The following DLG2 variants were observed in gnomAD, a reference collection of about 807,000 sequenced individuals.
The protein encoded by DLG2 is disks large homolog 2.
In DLG2, 45 loss-of-function variants were observed where a neutral mutation model predicts 132.5. The observed-to-expected ratio is 0.34, with a 90% CI of 0.27 to 0.44. The LOEUF (loss-of-function observed/expected upper bound fraction) is 0.44. DLG2 is among the 20% of genes least tolerant of loss of function. The pLI is 1.00. For synonymous variants in DLG2, 424 were observed against 419.6 expected (o/e 1.01, Z -0.13); for missense variants, 1,045 against 1,196.9 (o/e 0.87, Z 1.87).
At chr11:83,547,332 T>C (rs2096266691) in intron 19 of DLG2, among the ~76,000 whole-genome samples, 1 of 152,126 alleles carries the variant, frequency 6.6e-6, no homozygotes, top group Non-Finnish European at 1.5e-5. Context: ...ATATGTTATC[T>C]TATATAGCAA....
intron 3 of DLG2, among the ~76,000 whole-genome samples, chr11:85,334,975 T>A (rs910153307): frequency 6.6e-6 from 1 of 152,150 alleles, no homozygotes; most frequent in African/African-American, 2.4e-5. Context: ...CCTGAATGTC[T>A]TTGTTGGTTT....
chr11:85,024,485 T>C (rs2060345908), intron 6 of DLG2, among the ~76,000 whole-genome samples: 1 of 152,164 alleles, frequency 6.6e-6, no homozygotes, highest in African/African-American at 2.4e-5. Context: ...AGACTAGAAA[T>C]TTGCATAAAT....
rs553417289 is a variant in DLG2, at chr11:85,170,813, G to A, written c.187-16162C>T. Among the ~76,000 whole-genome samples, 3 of 152,040 alleles carry A rather than the reference G, an allele frequency of 2.0e-5. No individual in the cohort carries two copies. The South Asian group carries it at 6.2e-4, about 32-fold the overall frequency. On this transcript the variant is annotated intron_variant, in intron 4 of 27. Coordinates refer to ENST00000376104, the MANE Select transcript of DLG2 (RefSeq NM_001142699.3). ...ACTGACAGGAGAGAGAGACTTGCTG[G>A]GGATTTTATAGGATGATGTTTGTGC...
At chr11:84,417,242 T>C (rs746749215) in intron 7 of DLG2, among the ~76,000 whole-genome samples, 1 of 152,202 alleles carries the variant, frequency 6.6e-6, no homozygotes, top group Non-Finnish European at 1.5e-5. Context: ...AATTCACACT[T>C]ATTATATGAT....
At chr11:84,703,909 T>C (rs2059503899) in intron 6 of DLG2, among the ~76,000 whole-genome samples, 2 of 143,400 alleles carry the variant, frequency 1.4e-5, no homozygotes, top group Non-Finnish European at 3.1e-5. Context: ...TGTGTGTGTG[T>C]GTGTGTGTAT....
At chr11:84,874,918 G>C (rs574795823) in intron 6 of DLG2, among the ~76,000 whole-genome samples, 123 of 151,938 alleles carry the variant, frequency 8.1e-4, no homozygotes, top group African/African-American at 2.8e-3. Flanking sequence ...CTACTTGGGA[G>C]GCTGAGGCAG....
intron 7 of DLG2, among the ~76,000 whole-genome samples, chr11:84,348,644 T>C (rs536452376): frequency 5.3e-5 from 8 of 152,300 alleles, no homozygotes; most frequent in Admixed American, 3.9e-4. Context: ...AAATGATATA[T>C]TGAAGTCCTA....
intron 6 of DLG2, among the ~76,000 whole-genome samples, chr11:84,674,475 C>T (rs1288348874): frequency 1.3e-5 from 2 of 152,054 alleles, no homozygotes. Flanking sequence ...CTCTATCCTG[C>T]TAACTGGAGA....
At chr11:84,283,623 CCTAGT>C (rs2097877214) in intron 7 of DLG2, among the ~76,000 whole-genome samples, 1 of 151,962 alleles carries the variant, frequency 6.6e-6, no homozygotes, top group Non-Finnish European at 1.5e-5. Flanking sequence ...ACCATTACAC[CCTAGT>C]CTAAAGGATG....
chr11:84,299,723 T>C (rs1466605876), intron 7 of DLG2, among the ~76,000 whole-genome samples: 1 of 152,234 alleles, frequency 6.6e-6, no homozygotes, highest in Non-Finnish European at 1.5e-5. Context: ...CTCCCAATTA[T>C]GTTGGGTTGT....
Position 85,492,859 on chromosome 11 carries a change from T to C in DLG2, c.40+105798A>G, listed in dbSNP as rs148635604. On this transcript the variant is annotated intron_variant, in intron 3 of 27. Transcript: ENST00000376104. ...TGACGGTTGATAGGGAGAAACATCATATTGTTAAGGTATAAAAAGAAAAAA... is the reference window on the plus strand; with the variant it reads ...TGACGGTTGATAGGGAGAAACATCACATTGTTAAGGTATAAAAAGAAAAAA... 8.7e-3 allele frequency among the ~76,000 whole-genome samples: 1,325 copies of C among 152,216 alleles called. 15 individuals carry two copies. Among genetic ancestry groups the C allele is most frequent in the South Asian group, 0.02 (94 of 4,818 alleles).
chr11:85,509,956 C>T (rs2094020505), intron 3 of DLG2: 1 of 150,270 alleles, frequency 6.7e-6, no homozygotes, highest in South Asian at 2.1e-4. Context: ...TTCAGCAGCA[C>T]ACATACTAAA....
At chr11:84,974,059 C>T (rs1442234935) in intron 6 of DLG2, among the ~76,000 whole-genome samples, 1 of 152,142 alleles carries the variant, frequency 6.6e-6, no homozygotes, top group Non-Finnish European at 1.5e-5. Flanking sequence ...AGAAATTATA[C>T]AGATACTGTT....
chr11:83,752,891 T>C (rs773165753), intron 18 of DLG2, among the ~76,000 whole-genome samples: 13 of 152,180 alleles, frequency 8.5e-5, no homozygotes, highest in Non-Finnish European at 1.5e-4. Context: ...GATGATTCTC[T>C]CTTGATTAAA....
chr11:84,788,947 C>A (rs750016927), intron 6 of DLG2, among the ~76,000 whole-genome samples: 11 of 151,896 alleles, frequency 7.2e-5, no homozygotes. Context: ...AAGACCAGAA[C>A]AGAAGATGGT....
intron 10 of DLG2, among the ~76,000 whole-genome samples, chr11:84,073,929 T>C (rs2096790413): frequency 6.6e-6 from 1 of 152,186 alleles, no homozygotes; most frequent in Non-Finnish European, 1.5e-5. Context: ...AAAATACATA[T>C]AATTTCATTG....
intron 18 of DLG2, among the ~76,000 whole-genome samples, chr11:83,698,051 T>C (rs2153635691): frequency 6.6e-6 from 1 of 152,336 alleles, no homozygotes. Context: ...TGCTACAAAC[T>C]TGGATAAGTC....
chr11:85,047,506 G>A (rs1392061056), intron 6 of DLG2, among the ~76,000 whole-genome samples: 1 of 151,830 alleles, frequency 6.6e-6, no homozygotes, highest in Non-Finnish European at 1.5e-5. Flanking sequence ...CTTTTGGAGT[G>A]AGAAGGTTTA....
chr11:85,259,887 T>A (rs2076854353), intron 4 of DLG2, among the ~76,000 whole-genome samples: 1 of 152,280 alleles, frequency 6.6e-6, no homozygotes, highest in African/African-American at 2.4e-5. Flanking sequence ...CTTATACATT[T>A]CCTGTACCTA....
Sources: allele counts gnomAD v4.1 joint callset (sites outside exome capture counted in the v4.1 genomes callset), GRCh38; gene constraint gnomAD v4.1.1; transcripts MANE v1.5; gene names NCBI Gene and HGNC (gene_info 2026-07-23, HGNC 2026-07-21).